The following C12orf42 variants were observed in gnomAD, a reference collection of about 807,000 sequenced individuals.
The protein encoded by C12orf42 is chromosome 12 open reading frame 42.
A neutral mutation model predicts 21.6 loss-of-function variants in C12orf42; 25 were observed. That is an observed-to-expected ratio of 1.16 (90% CI 0.84 to 1.62). The LOEUF is 1.62. Among genes scored for constraint, C12orf42 ranks in the 40% most tolerant of loss-of-function variants. The pLI is 0.00. For synonymous variants in C12orf42, 174 were observed against 175.0 expected (o/e 0.99, Z 0.05); for missense variants, 483 against 459.3 (o/e 1.05, Z -0.47).
intron 4 of C12orf42, among the ~76,000 whole-genome samples, chr12:103,328,060 A>G (rs918163400): frequency 2.0e-5 from 3 of 152,180 alleles, no homozygotes; most frequent in Non-Finnish European, 4.4e-5. Flanking sequence ...TATTTTTTTC[A>G]GGTTGGCCTA....
chr12:103,513,067 T>C, the C12orf42 span, among the ~76,000 whole-genome samples: 1 of 151,754 alleles, frequency 6.6e-6, no homozygotes, highest in African/African-American at 2.4e-5. Flanking sequence ...CCACTGCTCC[T>C]CCTTCAGGTA....
intron 3 of C12orf42, among the ~76,000 whole-genome samples, chr12:103,385,328 G>T (rs143798122): frequency 1.1e-3 from 162 of 152,254 alleles, no homozygotes; most frequent in East Asian, 2.9e-3. Flanking sequence ...TTGGTGAATA[G>T]AAATCTTTAA....
At chr12:103,384,339 C>T (rs569174139) in intron 3 of C12orf42, among the ~76,000 whole-genome samples, 18 of 152,256 alleles carry the variant, frequency 1.2e-4, no homozygotes, top group Non-Finnish European at 2.2e-4. Flanking sequence ...GAGCCACCTA[C>T]GTCTGAGTTT....
the C12orf42 span, among the ~76,000 whole-genome samples, chr12:103,221,540 C>A: frequency 6.6e-6 from 1 of 152,176 alleles, no homozygotes; most frequent in Non-Finnish European, 1.5e-5. Flanking sequence ...TTGCAAGACC[C>A]TGAAAGACAA....
chr12:103,437,477 G>C (rs967284304), intron 2 of C12orf42, among the ~76,000 whole-genome samples: 1 of 151,984 alleles, frequency 6.6e-6, no homozygotes, highest in African/African-American at 2.4e-5. Flanking sequence ...CTGGTTTTTT[G>C]AAAGGATCAA....
chr12:103,495,923 C>G lies in C12orf42; in HGVS notation c.-43G>C, dbSNP rs75166514. 1.3e-5 allele frequency: 2 copies of G among 152,370 alleles called. No homozygotes were observed. Among genetic ancestry groups the G allele is most frequent in the Non-Finnish European group, 2.9e-5 (2 of 68,218 alleles). The allele number at this position is 152,370 out of a possible 1,614,324, so 9.4% of individuals were successfully genotyped here. On this transcript the variant is annotated 5_prime_UTR_variant, in exon 1 of 6. Coordinates refer to ENST00000548883, the MANE Select transcript of C12orf42 (RefSeq NM_198521.5). ...CTACCTGGAGCTGCAGGGTCCCTAT[C>G]CCGGGGCGCCGCCCGCAGCCTCCTC...
chr12:103,525,891 G>A, the C12orf42 span, among the ~76,000 whole-genome samples: 1 of 152,130 alleles, frequency 6.6e-6, no homozygotes, highest in Non-Finnish European at 1.5e-5. Context: ...AGCTGGGCGT[G>A]GTGGTGGGCA....
At chr12:103,466,494 A>G (rs1953141335) in intron 2 of C12orf42, among the ~76,000 whole-genome samples, 1 of 152,194 alleles carries the variant, frequency 6.6e-6, no homozygotes, top group African/African-American at 2.4e-5. Flanking sequence ...CTTCTAATGA[A>G]TAAATTCAGC....
the C12orf42 span, among the ~76,000 whole-genome samples, chr12:103,122,274 G>A: frequency 6.6e-6 from 1 of 152,172 alleles, no homozygotes; most frequent in Non-Finnish European, 1.5e-5. Flanking sequence ...ACGTGGTAGG[G>A]TTCATGGCCA....
the C12orf42 span, among the ~76,000 whole-genome samples, chr12:103,051,653 G>A: frequency 1.3e-5 from 2 of 152,156 alleles, no homozygotes; most frequent in Non-Finnish European, 2.9e-5. Context: ...CCTGACCATG[G>A]GTGTCAGACC....
intron 4 of C12orf42, among the ~76,000 whole-genome samples, chr12:103,360,263 G>A (rs961237634): frequency 1.3e-5 from 2 of 151,132 alleles, no homozygotes; most frequent in African/African-American, 4.9e-5. Context: ...ATTCCCAGGT[G>A]CTCAACCCTA....
chr12:103,551,545 G>T, the C12orf42 span, among the ~76,000 whole-genome samples: 1 of 152,226 alleles, frequency 6.6e-6, no homozygotes, highest in South Asian at 2.1e-4. Context: ...GGCTGGGCTT[G>T]GTGACTCATG....
chr12:103,317,636 A>G (rs574748153), intron 4 of C12orf42, among the ~76,000 whole-genome samples: 27 of 152,306 alleles, frequency 1.8e-4, no homozygotes, highest in African/African-American at 5.1e-4. Flanking sequence ...CCATCTATAG[A>G]AAAATAAAAA....
chr12:103,227,837 C>A, the C12orf42 span, among the ~76,000 whole-genome samples: 3 of 152,064 alleles, frequency 2.0e-5, no homozygotes, highest in African/African-American at 7.3e-5. Flanking sequence ...TCTCCTTTGT[C>A]TCTCCCAGAA....
chr12:103,156,889 G>A, the C12orf42 span, among the ~76,000 whole-genome samples: 1 of 152,084 alleles, frequency 6.6e-6, no homozygotes, highest in Non-Finnish European at 1.5e-5. Flanking sequence ...GGGCATTTGG[G>A]TTGGTTCCAT....
chr12:103,353,951 CAG>C (rs573090957), intron 4 of C12orf42, among the ~76,000 whole-genome samples: 2 of 152,064 alleles, frequency 1.3e-5, no homozygotes, highest in African/African-American at 4.8e-5. Flanking sequence ...TTCAGGGAAT[CAG>C]AGAGAGAGAG....
chr12:103,142,502 G>T, the C12orf42 span, among the ~76,000 whole-genome samples: 2 of 152,278 alleles, frequency 1.3e-5, no homozygotes, highest in South Asian at 4.1e-4. Context: ...ATCTTCAGTG[G>T]ATCTACATAA....
chr12:103,447,646 C>A (rs1951662921), intron 2 of C12orf42, among the ~76,000 whole-genome samples: 1 of 151,882 alleles, frequency 6.6e-6, no homozygotes, highest in African/African-American at 2.4e-5. Context: ...TATACACCAA[C>A]AGTGACCAAG....
the C12orf42 span, among the ~76,000 whole-genome samples, chr12:103,124,237 T>C: frequency 1.3e-5 from 2 of 149,874 alleles, no homozygotes; most frequent in African/African-American, 4.9e-5. Flanking sequence ...TTTTGTCCTT[T>C]AGAGGTCTGT....
Sources: allele counts gnomAD v4.1 joint callset (sites outside exome capture counted in the v4.1 genomes callset), GRCh38; gene constraint gnomAD v4.1.1; transcripts MANE v1.5; gene names NCBI Gene and HGNC (gene_info 2026-07-23, HGNC 2026-07-21).